Variants in KDM5B observed in about 807,000 individuals in gnomAD.
KDM5B encodes lysine demethylase 5B.
KDM5B carries 144 observed loss-of-function variants against 193.4 expected under a neutral mutation model. The ratio of observed to expected loss-of-function variants is 0.74; its 90% CI spans 0.65 to 0.86. KDM5B has a LOEUF of 0.86. Ranked by LOEUF, KDM5B falls within the 40% of genes least tolerant of loss-of-function variation. The pLI is 0.00. For missense variants in KDM5B, 1,833 were observed against 1,886.9 expected (o/e 0.97, Z 0.53); for synonymous variants, 668 against 682.6 (o/e 0.98, Z 0.33).
Position 202,741,724 on chromosome 1 carries a change from T to TAA in KDM5B, c.2590-4_2590-3dup. 1 of 1,504,074 alleles carries TAA rather than the reference T, an allele frequency of 6.6e-7. No individual in the cohort carries two copies. The highest frequency in any genetic ancestry group is 9.1e-7 in the Non-Finnish European group (1 of 1,101,524). The allele number at this position is 1,504,074 out of a possible 1,614,324, so 93.2% of individuals were successfully genotyped here. The stretch of plus-strand genomic sequence containing the variant: ...ATCTTCTACACGATTCAAGAGATCC[T>TAA]AAAAAAAAATACACAGGTTGTTGCA... On this transcript the variant is annotated splice_polypyrimidine_tract_variant and splice_region_variant and intron_variant, in intron 18 of 26. Coordinates refer to ENST00000367265, the MANE Select transcript of KDM5B (RefSeq NM_006618.5).
chr1:202,732,103 T>C (rs1029326103), intron 23 of KDM5B, 164 bp from the exon 24 acceptor site: 2 of 570,140 alleles, frequency 3.5e-6, no homozygotes, highest in African/African-American at 3.9e-5. Flanking sequence ...ATTTCAGAAC[T>C]GGCCAAATCA....
chr1:202,729,081 G>A lies in KDM5B; in HGVS notation c.4590C>T (p.Tyr1530=). The A allele has an allele frequency of 6.2e-7, 1 of 1,614,102 alleles. No individual in the cohort carries two copies. ...VSPEMAEKED[Y]ICVRCTVKDA... ...CCTTCACAGTACAGCGCACACAGAT[G>A]TAGTCTTCTTTCTCTGCCATCTCTG... Residue 1530 remains tyrosine (Y), a synonymous_variant, in exon 27 of 27, where the codon TAC becomes TAT. Transcript: ENST00000367265.
intron 1 of KDM5B, among the ~76,000 whole-genome samples, chr1:202,798,847 CCT>C (rs1424236255): frequency 6.6e-6 from 1 of 151,992 alleles, no homozygotes; most frequent in Non-Finnish European, 1.5e-5. Flanking sequence ...ACAGCAAGAC[CCT>C]GTCCCTAAAA....
intron 1 of KDM5B, among the ~76,000 whole-genome samples, chr1:202,780,269 T>C (rs1412879888): frequency 6.6e-6 from 1 of 152,070 alleles, no homozygotes; most frequent in Non-Finnish European, 1.5e-5. Flanking sequence ...CAAGCAAGAA[T>C]TGAACATCCC....
rs1253853612 is a variant in KDM5B, at chr1:202,733,710, G to A, written c.3600C>T (p.His1200=). The A allele has an allele frequency of 6.2e-7, 1 of 1,614,158 alleles. No homozygotes were observed. The highest frequency in any genetic ancestry group is 1.1e-5 in the South Asian group (1 of 91,084). Residue 1200 remains histidine (H), a synonymous_variant, in exon 23 of 27, where the codon CAC becomes CAT. Coordinates refer to ENST00000367265, the MANE Select transcript of KDM5B (RefSeq NM_006618.5). The part of the protein sequence containing the change: ...IQCELCRDAF[H]TSCVAVPSIS... ...TACTGGGTACCGCCACACAACTGGTGTGGAAAGCATCCCTGCAGAGTTCAC... is the reference window on the plus strand; with the variant it reads ...TACTGGGTACCGCCACACAACTGGTATGGAAAGCATCCCTGCAGAGTTCAC...
In KDM5B at chr1:202,731,059, A is replaced by G. The variant is rs549943757; in HGVS notation, c.4026T>C (p.Val1342=). 1.7e-5 allele frequency: 27 copies of G among 1,601,448 alleles called. No individual in the cohort carries two copies. Among genetic ancestry groups the G allele is most frequent in the Non-Finnish European group, 2.2e-5 (26 of 1,172,754 alleles). Residue 1342 remains valine (V), a synonymous_variant, in exon 25 of 27, where the codon GTT becomes GTC. Transcript: ENST00000367265. ...TGRSCIPLHG[V]SPEVNELLME... is the part of the protein sequence containing the mutation. ...TCAATAGTTCATTCACTTCTGGACTAACACCTGTAAAAGACCAGACCAAAT... is the reference window on the plus strand; with the variant it reads ...TCAATAGTTCATTCACTTCTGGACTGACACCTGTAAAAGACCAGACCAAAT...
chr1:202,804,509 A>G (rs1049023195), intron 1 of KDM5B, among the ~76,000 whole-genome samples: 27 of 152,342 alleles, frequency 1.8e-4, no homozygotes, highest in African/African-American at 6.0e-4. Context: ...AAAGAAGTGT[A>G]TAAGTTCCTC....
chr1:202,785,490 G>A (rs1438545973), intron 1 of KDM5B, among the ~76,000 whole-genome samples: 2 of 152,138 alleles, frequency 1.3e-5, no homozygotes, highest in Non-Finnish European at 2.9e-5. Flanking sequence ...ACTACTGTGC[G>A]GCTTTGTACT....
Position 202,729,886 on chromosome 1 carries a change from G to A in KDM5B, c.4318C>T (p.Leu1440=). The change falls in exon 26 of 27, where the codon CTG becomes TTG. Residue 1440 remains leucine, a synonymous_variant. Transcript: ENST00000367265. ...MRTPKKKKIK[L]SHPKDMNNFK... ...TTGTTCATGTCCTTGGGGTGGCTCA[G>A]TTTGATTTTCTTCTTTTTGGGGGTC... 1.2e-6 allele frequency: 2 copies of A among 1,614,180 alleles called. No individual in the cohort carries two copies. Among genetic ancestry groups the A allele is most frequent in the Non-Finnish European group, 1.7e-6 (2 of 1,180,026 alleles).
intron 5 of KDM5B, chr1:202,766,489 CAGCG>C: frequency 2.3e-6 from 1 of 429,646 alleles, no homozygotes; most frequent in Admixed American, 2.8e-5. Flanking sequence ...CTGGGCAACA[CAGCG>C]AGACTCTGTC....
chr1:202,786,823 G>T (rs866505149), intron 1 of KDM5B, among the ~76,000 whole-genome samples: 36 of 152,120 alleles, frequency 2.4e-4, no homozygotes, highest in Middle Eastern at 3.2e-3. Context: ...GAAGTGGGTG[G>T]ATCACCTGAG....
chr1:202,742,105 A>G (rs1054395767), intron 18 of KDM5B, among the ~76,000 whole-genome samples: 22 of 151,854 alleles, frequency 1.4e-4, no homozygotes, highest in African/African-American at 5.1e-4. Flanking sequence ...TGAACTCCTG[A>G]CCTCATGATC....
chr1:202,738,135 C>CA (rs1017631657), intron 20 of KDM5B, among the ~76,000 whole-genome samples: 1 of 151,286 alleles, frequency 6.6e-6, no homozygotes, highest in Non-Finnish European at 1.5e-5. Flanking sequence ...ATATATGATG[C>CA]AAAAAAAAGG....
chr1:202,733,840 T>G lies in KDM5B; in HGVS notation c.3470A>C (p.Gln1157Pro). The change falls in exon 23 of 27, where the codon CAG (glutamine) becomes CCG (proline). Residue 1157 changes from glutamine to proline, a missense_variant. Transcript: ENST00000367265. ...CCCTTCATTGGCGAGTCTGAGAGACTGCAAGGCTTCCATTTCCCTTAGGCG... is the reference window on the plus strand; with the variant it reads ...CCCTTCATTGGCGAGTCTGAGAGACGGCAAGGCTTCCATTTCCCTTAGGCG... Reference protein sequence around the residue: ...EARLREMEALQSLRLANEGKL... With the variant: ...EARLREMEALPSLRLANEGKL... 1 of 1,613,748 alleles carries G rather than the reference T, an allele frequency of 6.2e-7. No individual in the cohort carries two copies.
chr1:202,776,215 G>A (rs1022443934), intron 2 of KDM5B: 1 of 151,986 alleles, frequency 6.6e-6, no homozygotes, highest in Non-Finnish European at 1.5e-5. Flanking sequence ...GGGTGACAGA[G>A]CGGGACTCCA....
intron 5 of KDM5B, 150 bp downstream of exon 5, chr1:202,766,776 G>C: frequency 1.2e-6 from 1 of 844,746 alleles, no homozygotes. Flanking sequence ...TCACCCAAGT[G>C]TAAAAGCTGG....
In KDM5B at chr1:202,758,522, GA is replaced by G. The variant is rs774885404; in HGVS notation, c.1078-13del. The G allele has an allele frequency of 1.0e-4, 161 of 1,597,244 alleles. No individual in the cohort carries two copies. Among genetic ancestry groups the G allele is most frequent in the Non-Finnish European group, 1.2e-4 (145 of 1,167,508 alleles). Reference sequence around the variant, plus strand: ...GGCTTACTACATTCCTGAAAATAAAGAAAATTACGTTCTAGGTGACACTGAA... The same window carrying G: ...GGCTTACTACATTCCTGAAAATAAAGAAATTACGTTCTAGGTGACACTGAA... On this transcript the variant is annotated splice_polypyrimidine_tract_variant and intron_variant, in intron 8 of 26. Coordinates refer to ENST00000367265, the MANE Select transcript of KDM5B (RefSeq NM_006618.5).
At chr1:202,771,289 T>C (rs182821879) in intron 4 of KDM5B, among the ~76,000 whole-genome samples, 66 of 152,320 alleles carry the variant, frequency 4.3e-4, no homozygotes, top group African/African-American at 1.3e-3. Flanking sequence ...TGGAGTGCAA[T>C]GGCACGATCT....
At chr1:202,776,749 C>T (rs905869956) in intron 2 of KDM5B, among the ~76,000 whole-genome samples, 2 of 151,998 alleles carry the variant, frequency 1.3e-5, no homozygotes, top group Non-Finnish European at 2.9e-5. Context: ...TATGTTTTAG[C>T]AGAGACAGGG....
Sources: allele counts gnomAD v4.1 joint callset (sites outside exome capture counted in the v4.1 genomes callset), GRCh38; gene constraint gnomAD v4.1.1; transcripts MANE v1.5; gene names NCBI Gene and HGNC (gene_info 2026-07-23, HGNC 2026-07-21).